Variants in ACTR8 observed in about 807,000 individuals in gnomAD.
ACTR8 encodes the protein actin related protein 8.
Under a neutral mutation model 84.3 loss-of-function variants are expected in ACTR8, and 70 were observed. The ratio of observed to expected loss-of-function variants is 0.83; its 90% confidence interval spans 0.68 to 1.01. ACTR8 has a LOEUF of 1.01. Ranked by LOEUF, ACTR8 falls within the 50% of genes least tolerant of loss-of-function variation. ACTR8 has a pLI of 0.00. For missense variants in ACTR8, 672 were observed against 775.4 expected (o/e 0.87, Z 1.58); for synonymous variants, 268 against 275.2 (o/e 0.97, Z 0.26).
chr3:53,871,167 G>A (rs1466454128), intron 11 of ACTR8, 65 bp downstream of exon 11: 1 of 1,576,730 alleles, frequency 6.3e-7, no homozygotes, highest in Non-Finnish European at 8.7e-7. Flanking sequence ...ATCCTAGACT[G>A]AACCAATTTA....
intron 12 of ACTR8, among the ~76,000 whole-genome samples, 172 bp downstream of exon 12, chr3:53,869,810 G>A (rs763591788): frequency 2.6e-5 from 4 of 152,082 alleles, no homozygotes; most frequent in Non-Finnish European, 4.4e-5. Flanking sequence ...CAGTACCTTA[G>A]GCCAGAGCAC....
intron 1 of ACTR8, 106 bp downstream of exon 1, chr3:53,881,873 T>C (rs1427638483): frequency 5.3e-6 from 8 of 1,513,300 alleles, no homozygotes; most frequent in Non-Finnish European, 6.2e-6. Context: ...CACCAGGGGC[T>C]GGGGCCTGCA....
chr3:53,872,910 G>T, intron 9 of ACTR8, 122 bp downstream of exon 9: 1 of 797,712 alleles, frequency 1.3e-6, no homozygotes, highest in African/African-American at 1.7e-5. Flanking sequence ...TGGTTTAGTG[G>T]ATAATCTACA....
At chr3:53,863,918 G>A (rs556542285), downstream of ACTR8, among the ~76,000 whole-genome samples, 1 of 151,336 alleles carries the variant, frequency 6.6e-6, no homozygotes, top group East Asian at 2.0e-4. Flanking sequence ...TGCCTCCTGA[G>A]CTCAAGTGAA....
chr3:53,859,568 TG>T, the ACTR8 span: 1 of 152,526 alleles, frequency 6.6e-6, no homozygotes, highest in South Asian at 2.1e-4. Context: ...CAAGACGGCC[TG>T]TAAAAATGTC....
chr3:53,874,378 A>T lies in ACTR8; in HGVS notation c.912-14T>A, dbSNP rs760646123. ...GCCAGACAAAGCCTAAAGTTAAGAG[A>T]AAAGGGTAGATGGTTAATCTGTTGG... On this transcript the variant is annotated splice_polypyrimidine_tract_variant and intron_variant, in intron 7 of 12. Coordinates refer to ENST00000335754, the MANE Select transcript of ACTR8 (RefSeq NM_022899.5). The T allele has an allele frequency of 2.5e-6, 4 of 1,610,124 alleles. No homozygotes were observed. Among genetic ancestry groups the T allele is most frequent in the Non-Finnish European group, 3.4e-6 (4 of 1,178,658 alleles).
rs1699820728 is a variant in ACTR8 at position 53,868,014 on chromosome 3, CT to C, written c.*704del. 2 of 152,156 alleles carry C rather than the reference CT, an allele frequency of 1.3e-5. No homozygotes were observed. Among genetic ancestry groups the C allele is most frequent in the Non-Finnish European group, 2.9e-5 (2 of 68,028 alleles). 9.4% of individuals were successfully genotyped at this position (152,156 alleles called of 1,614,324 possible). A position where few individuals can be genotyped will look rare whatever the true frequency, so the allele number is the denominator to read the frequency against. ...GGCTTTAGGAAAAAAACAAGATTTCCTTTTCAGCATTTGTTCTGTTTTGGCC... is the reference window on the plus strand; with the variant it reads ...GGCTTTAGGAAAAAAACAAGATTTCCTTTCAGCATTTGTTCTGTTTTGGCC... On this transcript the variant is annotated 3_prime_UTR_variant, in exon 13 of 13. Transcript: ENST00000335754.
chr3:53,877,106 TC>T, intron 5 of ACTR8, 107 bp downstream of exon 5: 1 of 1,104,910 alleles, frequency 9.1e-7, no homozygotes, highest in East Asian at 2.7e-5. Context: ...ACCCTGAAGG[TC>T]AAGAATGTTT....
Position 53,870,053 on chromosome 3 carries a change from T to C in ACTR8, c.1660A>G (p.Arg554Gly), listed in dbSNP as rs761448050. 47 of 1,614,118 alleles carry C rather than the reference T, an allele frequency of 2.9e-5. No individual in the cohort carries two copies. The highest frequency in any genetic ancestry group is 6.7e-5 in the African/African-American group (5 of 74,942). ...FHKAQEFLQH[R>G]ILNKMPPSFR... Reference sequence around the variant, plus strand: ...GATGGTGGCATTTTGTTGAGAATTCTGTGCTGCAGAAATTCTTGAGCTTTA... The same window carrying C: ...GATGGTGGCATTTTGTTGAGAATTCCGTGCTGCAGAAATTCTTGAGCTTTA... The change falls in exon 12 of 13, where the codon AGA becomes GGA. Residue 554 changes from arginine (R) to glycine (G), a missense_variant. Transcript: ENST00000335754. This position sits in a 1 kb window ranked among gnomAD's most constrained non-coding sequence, Gnocchi z 4.1.
chr3:53,868,016 T>G lies in ACTR8; in HGVS notation c.*703A>C, dbSNP rs1254276184. 1 of 152,186 alleles carries G rather than the reference T, an allele frequency of 6.6e-6. No individual in the cohort carries two copies. The highest frequency in any genetic ancestry group is 1.9e-4 in the East Asian group (1 of 5,200). The allele number at this position is 152,186 out of a possible 1,614,324, so 9.4% of individuals were successfully genotyped here. On this transcript the variant is annotated 3_prime_UTR_variant, in exon 13 of 13. Transcript: ENST00000335754. Reference sequence around the variant, plus strand: ...CTTTAGGAAAAAAACAAGATTTCCTTTTCAGCATTTGTTCTGTTTTGGCCA... The same window carrying G: ...CTTTAGGAAAAAAACAAGATTTCCTGTTCAGCATTTGTTCTGTTTTGGCCA...
chr3:53,877,391 G>C lies in ACTR8; in HGVS notation c.511-4C>G. 6.3e-7 allele frequency: 1 copy of C among 1,590,436 alleles called. No individual in the cohort carries two copies. The highest frequency in any genetic ancestry group is 8.5e-7 in the Non-Finnish European group (1 of 1,170,246). ...CCAGTGGATTAACATACAAGGCCTA[G>C]AAAAGGAGGAGGGAGATGAGTACTT... On this transcript the variant is annotated splice_polypyrimidine_tract_variant and splice_region_variant and intron_variant, in intron 4 of 12. Coordinates refer to ENST00000335754, the MANE Select transcript of ACTR8 (RefSeq NM_022899.5).
At chr3:53,864,487 G>T (rs1699702320), downstream of ACTR8, among the ~76,000 whole-genome samples, 1 of 152,006 alleles carries the variant, frequency 6.6e-6, no homozygotes, top group Non-Finnish European at 1.5e-5. Flanking sequence ...GTCAGCCGAG[G>T]TCACGCCACT....
rs1699862560 is a variant in ACTR8 at position 53,870,215 on chromosome 3, C to T, written c.1568-70G>A. On this transcript the variant is annotated intron_variant, in intron 11 of 12. Transcript: ENST00000335754. The surrounding 1 kb of genome is among the most constrained non-coding windows in gnomAD (Gnocchi z 4.1). Reference sequence around the variant, plus strand: ...ATAATTCTAGGCCAAGCCACCAACACCTCTTGCTTGAGCAAGTGCAATAGC... The same window carrying T: ...ATAATTCTAGGCCAAGCCACCAACATCTCTTGCTTGAGCAAGTGCAATAGC... The T allele has an allele frequency of 6.4e-7, 1 of 1,558,538 alleles. No homozygotes were observed. Among genetic ancestry groups the T allele is most frequent in the African/African-American group, 1.4e-5 (1 of 73,500 alleles).
At position 53,876,656 on chromosome 3, in the gene ACTR8, G is replaced by A. The variant is rs755576085; in HGVS notation, c.742C>T (p.Leu248=). 6.3e-7 allele frequency: 1 copy of A among 1,575,684 alleles called. No individual in the cohort carries two copies. The highest frequency in any genetic ancestry group is 8.7e-7 in the Non-Finnish European group (1 of 1,151,908). The stretch of plus-strand genomic sequence containing the variant: ...ATCTTCATTAGTATCATATTCACTA[G>A]TTCTTTCACATGCTGCTTATTATAG... ...DIYNKQHVKE[L]VNMILMKMGF... The change falls in exon 6 of 13, where the codon CTA becomes TTA. Residue 248 remains leucine (L), a synonymous_variant. Coordinates refer to ENST00000335754, the MANE Select transcript of ACTR8 (RefSeq NM_022899.5).
the ACTR8 span, chr3:53,860,103 A>G: frequency 6.5e-7 from 1 of 1,531,806 alleles, no homozygotes. Flanking sequence ...TTGTTTTCCA[A>G]AGGTGAATAA....
chr3:53,865,449 A>T (rs1699753665), downstream of ACTR8: 10 of 607,090 alleles, frequency 1.6e-5, no homozygotes, highest in East Asian at 2.8e-4. Context: ...TAAAATTTTC[A>T]AATATTGCTA....
downstream of ACTR8, among the ~76,000 whole-genome samples, chr3:53,862,892 G>T (rs1474432231): frequency 6.6e-6 from 1 of 152,174 alleles, no homozygotes; most frequent in African/African-American, 2.4e-5. Flanking sequence ...ATGTCTTTCT[G>T]TAAAGTTACA....
rs767210588 is a variant in ACTR8, at chr3:53,870,056, G to A, written c.1657C>T (p.His553Tyr). The change falls in exon 12 of 13, where the codon CAC becomes TAC. Residue 553 changes from histidine (H) to tyrosine (Y), a missense_variant. Coordinates refer to ENST00000335754, the MANE Select transcript of ACTR8 (RefSeq NM_022899.5). This position sits in a 1 kb window ranked among gnomAD's most constrained non-coding sequence, Gnocchi z 4.1. ...MFHKAQEFLQHRILNKMPPSF... is the reference protein window; with the variant it reads ...MFHKAQEFLQYRILNKMPPSF... ...GGTGGCATTTTGTTGAGAATTCTGT[G>A]CTGCAGAAATTCTTGAGCTTTATGA... 3.1e-6 allele frequency: 5 copies of A among 1,614,158 alleles called. No individual in the cohort carries two copies. In the South Asian group the frequency reaches 5.5e-5, roughly 18 times the overall value.
intron 9 of ACTR8, among the ~76,000 whole-genome samples, 171 bp from the exon 10 acceptor site, chr3:53,872,695 G>C (rs1220857002): frequency 6.6e-6 from 1 of 152,184 alleles, no homozygotes; most frequent in Non-Finnish European, 1.5e-5. Context: ...CCATAGGCCA[G>C]AAAACTCACT....
Sources: allele counts gnomAD v4.1 joint callset (sites outside exome capture counted in the v4.1 genomes callset), GRCh38; gene constraint gnomAD v4.1.1; non-coding constraint Gnocchi (gnomAD v3.1); transcripts MANE v1.5; gene names NCBI Gene and HGNC (gene_info 2026-07-23, HGNC 2026-07-21).